Variants in SYN3 observed in about 807,000 individuals in gnomAD.
SYN3 encodes synapsin III, also known as synapsin-3.
Under a neutral mutation model 65.8 loss-of-function variants are expected in SYN3, and 35 were observed. The observed-to-expected ratio is 0.53, with a 90% CI of 0.41 to 0.70. The LOEUF (loss-of-function observed/expected upper bound fraction) is 0.70. Among genes scored for constraint, SYN3 ranks in the 30% least tolerant of loss-of-function variants. The pLI is 0.00. For synonymous variants in SYN3, 270 were observed against 292.9 expected, an observed-to-expected ratio of 0.92 and a Z score of 0.80; for missense variants, 680 against 749.0, an observed-to-expected ratio of 0.91 and a Z score of 1.08.
At chr22:32,813,387 G>C (rs2046964989) in intron 6 of SYN3, among the ~76,000 whole-genome samples, 1 of 152,040 alleles carries the variant, frequency 6.6e-6, no homozygotes, top group African/African-American at 2.4e-5. Context: ...CTGCTGTCCA[G>C]CTCCAGCCTA....
At chr22:32,873,438 G>A (rs144512963) in intron 4 of SYN3, among the ~76,000 whole-genome samples, 1 of 152,328 alleles carries the variant, frequency 6.6e-6, no homozygotes, top group African/African-American at 2.4e-5. Flanking sequence ...TGGGTTTGGA[G>A]AGTATTCCAG....
At chr22:32,564,394 AG>A (rs1461122750) in intron 7 of SYN3, among the ~76,000 whole-genome samples, 19 of 152,200 alleles carry the variant, frequency 1.2e-4, no homozygotes, top group African/African-American at 4.1e-4. Context: ...CCATAAACCA[AG>A]GCTGCTTCTC....
intron 3 of SYN3, chr22:32,947,654 T>C (rs1304319972): frequency 1.3e-5 from 2 of 152,238 alleles, no homozygotes; most frequent in East Asian, 1.9e-4. Context: ...TGGAAGCACA[T>C]AATAGAAGGC....
chr22:32,601,168 C>G (rs76638408), intron 6 of SYN3, among the ~76,000 whole-genome samples: 7,794 of 152,136 alleles, frequency 0.051, 699 homozygotes, highest in African/African-American at 0.18. Flanking sequence ...GTCAATCTAG[C>G]AAAATCTGAG....
intron 6 of SYN3, among the ~76,000 whole-genome samples, chr22:32,808,774 T>C (rs1239261122): frequency 6.6e-6 from 1 of 152,186 alleles, no homozygotes; most frequent in Non-Finnish European, 1.5e-5. Flanking sequence ...ACCTTGCCCA[T>C]ATTTTAAGCA....
At chr22:32,892,362 C>T (rs568481238) in intron 4 of SYN3, among the ~76,000 whole-genome samples, 13 of 152,266 alleles carry the variant, frequency 8.5e-5, no homozygotes, top group African/African-American at 3.1e-4. Flanking sequence ...AACAAATACA[C>T]GCTCTGCACC....
chr22:32,640,739 C>G (rs958489885), intron 6 of SYN3, among the ~76,000 whole-genome samples: 2 of 151,968 alleles, frequency 1.3e-5, no homozygotes, highest in East Asian at 1.9e-4. Flanking sequence ...TGGTGGCGGG[C>G]GCCTGTAGTC....
intron 6 of SYN3, among the ~76,000 whole-genome samples, chr22:32,609,866 G>A (rs1206912401): frequency 1.3e-5 from 2 of 152,212 alleles, no homozygotes; most frequent in African/African-American, 4.8e-5. Context: ...CACTATAGCT[G>A]CAGAGATGGT....
intron 6 of SYN3, among the ~76,000 whole-genome samples, chr22:32,623,536 TG>T (rs2059623621): frequency 1.3e-5 from 2 of 152,220 alleles, no homozygotes; most frequent in African/African-American, 4.8e-5. Context: ...CAGCAATCAA[TG>T]GCGGTCTTCC....
intron 6 of SYN3, among the ~76,000 whole-genome samples, chr22:32,679,712 G>C (rs1264483532): frequency 3.3e-5 from 5 of 151,410 alleles, no homozygotes; most frequent in Admixed American, 3.3e-4. Flanking sequence ...TTTGATTTTT[G>C]TTTCCTAATG....
At chr22:32,703,080 C>T (rs948454806) in intron 6 of SYN3, among the ~76,000 whole-genome samples, 2 of 152,190 alleles carry the variant, frequency 1.3e-5, no homozygotes, top group African/African-American at 4.8e-5. Context: ...CTTCTTGGGT[C>T]TCCTTAAATC....
chr22:32,818,358 C>A (rs1437859152), intron 6 of SYN3, among the ~76,000 whole-genome samples: 2 of 152,194 alleles, frequency 1.3e-5, no homozygotes, highest in African/African-American at 4.8e-5. Context: ...TCTTAGTTAG[C>A]CCAGGGGCTG....
rs1569219327 is a variant in SYN3, at chr22:32,780,979, C to CCT, written c.711+83935_711+83936insAG. Among the ~76,000 whole-genome samples the CCT allele has an allele frequency of 2.5e-4, 20 of 79,706 alleles. 1 individual carries two copies. Among genetic ancestry groups the CCT allele is most frequent in the African/African-American group, 8.2e-4 (17 of 20,782 alleles). The allele number at this position is 79,706 out of a possible 152,430, so 52.3% of individuals were successfully genotyped here. ...CTTCCTTCCTTCCTTCCTTCCTTCC[C>CCT]TCCTTCCTTCCTCTCTCTCACCCCC... On this transcript the variant is annotated intron_variant, in intron 6 of 13. Coordinates refer to ENST00000358763, the MANE Select transcript of SYN3 (RefSeq NM_003490.4).
intron 6 of SYN3, among the ~76,000 whole-genome samples, chr22:32,787,065 T>C (rs1477283461): frequency 1.3e-5 from 2 of 148,712 alleles, no homozygotes; most frequent in Admixed American, 6.7e-5. Context: ...TTTCTTTTTT[T>C]TTTTTTTTTC....
chr22:32,657,749 A>G (rs1387919163), intron 6 of SYN3, among the ~76,000 whole-genome samples: 1 of 152,214 alleles, frequency 6.6e-6, no homozygotes, highest in Admixed American at 6.5e-5. Context: ...TGCTTGGGAC[A>G]GGATCAGGCC....
intron 6 of SYN3, among the ~76,000 whole-genome samples, chr22:32,652,338 A>G (rs2060083453): frequency 6.7e-6 from 1 of 149,210 alleles, no homozygotes; most frequent in East Asian, 2.0e-4. Context: ...CAGTCCTTCC[A>G]CGCTAAGGGC....
At chr22:32,619,813 A>G (rs906591011) in intron 6 of SYN3, among the ~76,000 whole-genome samples, 6 of 152,330 alleles carry the variant, frequency 3.9e-5, no homozygotes, top group Non-Finnish European at 5.9e-5. Flanking sequence ...GAGACATTGC[A>G]TGTTTCAGCT....
At chr22:33,035,641 C>T (rs1433906801) in intron 1 of SYN3, among the ~76,000 whole-genome samples, 5 of 152,188 alleles carry the variant, frequency 3.3e-5, no homozygotes, top group South Asian at 4.1e-4. Flanking sequence ...TGCAGTAGCA[C>T]GATCACAGCT....
rs905745027 is a variant in SYN3 at position 32,801,725 on chromosome 22, G to A, written c.711+63190C>T. 16 of 204,990 alleles carry A rather than the reference G, an allele frequency of 7.8e-5. No homozygotes were observed. The highest frequency in any genetic ancestry group is 1.3e-4 in the Non-Finnish European group (14 of 105,264). 12.7% of individuals were successfully genotyped at this position (204,990 alleles called of 1,614,324 possible). ...GGCGCAGAGCGGGCAGCAGGCAGGC[G>A]GCGGGCGCTCAGACGGCTTCTCCTC... On this transcript the variant is annotated intron_variant, in intron 6 of 13. Transcript: ENST00000358763. This position sits in a 1 kb window ranked among gnomAD's most constrained non-coding sequence, Gnocchi z 4.7.
Sources: gnomAD v4.1 joint callset for allele counts (sites outside exome capture counted in the v4.1 genomes callset) on GRCh38, gnomAD v4.1.1 for gene constraint, Gnocchi (gnomAD v3.1) non-coding constraint, MANE v1.5 for transcripts, NCBI Gene and HGNC (gene_info 2026-07-23, HGNC 2026-07-21) for gene names.